CFAP47: variants seen among roughly 807,000 people sequenced by gnomAD.
The protein encoded by CFAP47 is cilia and flagella associated protein 47.
A neutral mutation model predicts 148.1 loss-of-function variants in CFAP47; 29 were observed. That is an observed-to-expected ratio of 0.20 (90% CI 0.15 to 0.27). The LOEUF (loss-of-function observed/expected upper bound fraction) is 0.27. Among genes scored for constraint, CFAP47 ranks in the 10% least tolerant of loss-of-function variants. CFAP47 has a pLI of 1.00. For missense variants in CFAP47, 1,872 were observed against 1,697.5 expected (o/e 1.10, Z -1.81); for synonymous variants, 664 against 577.3 (o/e 1.15, Z -2.15).
intron 15 of CFAP47, among the ~76,000 whole-genome samples, chrX:35,980,856 C>T (rs1320107180): frequency 9.1e-6 from 1 of 110,292 alleles, no homozygotes; most frequent in Non-Finnish European, 1.9e-5. Flanking sequence ...GAAACTGTTT[C>T]CCCAAGTATT....
chrX:36,226,065 CAG>C (rs1359714575), intron 45 of CFAP47, among the ~76,000 whole-genome samples: 1 of 111,797 alleles, frequency 8.9e-6, no homozygotes. Flanking sequence ...GGCAAGAAAA[CAG>C]ATTTTTTTGT....
chrX:36,205,094 A>G lies in CFAP47; in HGVS notation c.6801A>G (p.Lys2267=). The change falls in exon 45 of 64, where the codon AAA becomes AAG. Residue 2267 remains lysine, a synonymous_variant. Coordinates refer to ENST00000378653, the MANE Select transcript of CFAP47 (RefSeq NM_001304548.2). ...GGATTCCAGAACCTCAAGTAATTAA[A>G]CTTTCAAAAGCAAAAGGTAATCAGT... is the stretch of plus-strand genomic sequence containing the variant. ...IPWIPEPQVI[K]LSKAKASDGS... 1 of 296,625 alleles carries G rather than the reference A, an allele frequency of 3.4e-6. No individual in the cohort carries two copies. 24.4% of individuals were successfully genotyped at this position (296,625 alleles called of 1,213,427 possible).
intron 39 of CFAP47, among the ~76,000 whole-genome samples, chrX:36,173,796 T>C (rs928744591): frequency 1.8e-5 from 2 of 111,808 alleles, no homozygotes; most frequent in African/African-American, 6.5e-5. Context: ...GGTGGAGAGT[T>C]CTGTAGATGT....
chrX:36,101,987 C>G (rs1938384918), intron 32 of CFAP47, among the ~76,000 whole-genome samples: 1 of 111,317 alleles, frequency 9.0e-6, no homozygotes, highest in South Asian at 3.8e-4. Flanking sequence ...TAAATGTATA[C>G]TATTAGTAGT....
At chrX:36,333,836 T>A (rs1249460540) in intron 57 of CFAP47, among the ~76,000 whole-genome samples, 1 of 111,125 alleles carries the variant, frequency 9.0e-6, no homozygotes, top group Non-Finnish European at 1.9e-5. Context: ...TCTCATGCCT[T>A]CAACTCACCA....
chrX:36,247,363 C>T (rs1940628992), intron 48 of CFAP47, among the ~76,000 whole-genome samples: 1 of 110,938 alleles, frequency 9.0e-6, no homozygotes, highest in Admixed American at 9.7e-5. Flanking sequence ...TAACCTAAAC[C>T]TCAGCATCAT....
chrX:36,337,831 A>G (rs1463549318), intron 57 of CFAP47, among the ~76,000 whole-genome samples: 1 of 94,296 alleles, frequency 1.1e-5, no homozygotes, highest in African/African-American at 4.0e-5. Context: ...AAGCTGTCCA[A>G]TTTTCTCCTC....
In CFAP47 at chrX:36,356,440, T is replaced by TA. The variant is rs782609978; in HGVS notation, c.8851+2766dup. 5.4e-5 allele frequency among the ~76,000 whole-genome samples: 6 copies of TA among 111,194 alleles called. No homozygotes were observed. The South Asian group carries it at 1.9e-3, about 35-fold the overall frequency. On this transcript the variant is annotated intron_variant, in intron 60 of 63. Coordinates refer to ENST00000378653, the MANE Select transcript of CFAP47 (RefSeq NM_001304548.2). ...TCTTTCTATATAGTGCCTAAATATTTAAAAAAAGGAATCGACCTCATTGTC... is the reference window on the plus strand; with the variant it reads ...TCTTTCTATATAGTGCCTAAATATTTAAAAAAAAGGAATCGACCTCATTGTC...
chrX:36,195,651 C>T (rs1261790834), intron 42 of CFAP47, among the ~76,000 whole-genome samples: 1 of 111,362 alleles, frequency 9.0e-6, no homozygotes, highest in Non-Finnish European at 1.9e-5. Flanking sequence ...GCTTCACATA[C>T]TCCCTTTCTA....
At chrX:36,172,594 A>T (rs1302119112) in intron 39 of CFAP47, among the ~76,000 whole-genome samples, 1 of 110,568 alleles carries the variant, frequency 9.0e-6, no homozygotes, top group East Asian at 2.8e-4. Context: ...TATATGCTGG[A>T]TTACATTTAT....
intron 49 of CFAP47, among the ~76,000 whole-genome samples, chrX:36,279,886 G>A (rs1941059517): frequency 9.1e-6 from 1 of 109,540 alleles, no homozygotes; most frequent in African/African-American, 3.3e-5. Flanking sequence ...TGTATTTTTA[G>A]TAGAAACAAG....
intron 24 of CFAP47, among the ~76,000 whole-genome samples, chrX:36,037,338 T>TTTG (rs768498053): frequency 0.099 from 10,515 of 106,111 alleles, 475 homozygotes; most frequent in East Asian, 0.19. Context: ...AACTTTACTC[T>TTTG]TTGTTGTTGT....
chrX:36,088,679 G>C (rs1242035028), intron 30 of CFAP47, among the ~76,000 whole-genome samples: 1 of 111,450 alleles, frequency 9.0e-6, no homozygotes, highest in African/African-American at 3.3e-5. Context: ...TAAATGTCTT[G>C]TTTGAGCCAC....
intron 57 of CFAP47, among the ~76,000 whole-genome samples, chrX:36,346,040 A>G (rs1183226927): frequency 1.8e-5 from 2 of 111,832 alleles, no homozygotes; most frequent in Non-Finnish European, 3.8e-5. Flanking sequence ...ATAAAAAATG[A>G]GTGTAGTCAA....
chrX:36,055,269 A>G (rs1313532540), intron 26 of CFAP47, among the ~76,000 whole-genome samples: 1 of 110,543 alleles, frequency 9.0e-6, no homozygotes, highest in African/African-American at 3.3e-5. Flanking sequence ...AACTCATCAC[A>G]TAGGTATTAA....
chrX:35,950,962 C>T (rs1246783944), intron 4 of CFAP47, among the ~76,000 whole-genome samples, 169 bp from the exon 5 acceptor site: 1 of 111,507 alleles, frequency 9.0e-6, no homozygotes, highest in African/African-American at 3.3e-5. Context: ...TACAGAAGAA[C>T]CTGATAACCT....
rs1936860661 is a variant in CFAP47, at chrX:35,997,345, A to G, written c.3133A>G (p.Arg1045Gly). The part of the protein sequence containing the change: ...SIRHANVIDL[R>G]IGGSAEIADV... ...TCGTCATGCGAATGTTATAGACCTT[A>G]GGATTGGTGGATCTGCTGAAATTGC... Residue 1045 changes from arginine to glycine, a missense_variant, in exon 19 of 64, where the codon AGG becomes GGG. Coordinates refer to ENST00000378653, the MANE Select transcript of CFAP47 (RefSeq NM_001304548.2). 3.4e-6 allele frequency: 1 copy of G among 296,010 alleles called. No homozygotes were observed. Among genetic ancestry groups the G allele is most frequent in the Non-Finnish European group, 5.9e-6 (1 of 169,035 alleles). The allele number at this position is 296,010 out of a possible 1,213,427, so 24.4% of individuals were successfully genotyped here. A position where few individuals can be genotyped will look rare whatever the true frequency, so the allele number is the denominator to read the frequency against.
intron 1 of CFAP47, among the ~76,000 whole-genome samples, chrX:35,924,332 T>C (rs111213543): frequency 0.15 from 16,200 of 104,990 alleles, 1,331 homozygotes; most frequent in South Asian, 0.24. Context: ...TGTGTATATG[T>C]GTACATATAT....
At chrX:36,364,997 G>T (rs1255323279) in intron 61 of CFAP47, among the ~76,000 whole-genome samples, 1 of 96,190 alleles carries the variant, frequency 1.0e-5, no homozygotes, top group Non-Finnish European at 2.1e-5. Flanking sequence ...AAATTAATTT[G>T]GAATGGTTTA....
Sources: gnomAD v4.1 joint callset for allele counts (sites outside exome capture counted in the v4.1 genomes callset) on GRCh38, gnomAD v4.1.1 for gene constraint, MANE v1.5 for transcripts, NCBI Gene and HGNC (gene_info 2026-07-23, HGNC 2026-07-21) for gene names.